The following PREX1 variants were observed in gnomAD, a reference collection of about 807,000 sequenced individuals.
PREX1 encodes phosphatidylinositol 3,4,5-trisphosphate-dependent Rac exchanger 1 protein.
In PREX1, 41 loss-of-function variants were observed where a neutral mutation model predicts 198.3. The observed-to-expected ratio is 0.21, with a 90% CI of 0.16 to 0.27. PREX1 has a LOEUF of 0.27. Ranked by LOEUF, PREX1 falls within the 10% of genes least tolerant of loss-of-function variation. The pLI, the probability that PREX1 is intolerant of heterozygous loss-of-function variation, is 1.00. For synonymous variants in PREX1, 843 were observed against 887.2 expected (o/e 0.95, Z 0.89); for missense variants, 1,620 against 2,200.7 (o/e 0.74, Z 5.28).
At chr20:48,773,985 C>G (rs1175660139) in intron 1 of PREX1, among the ~76,000 whole-genome samples, 1 of 152,130 alleles carries the variant, frequency 6.6e-6, no homozygotes, top group Non-Finnish European at 1.5e-5. Context: ...CAAGACAGAG[C>G]CCACGGGATT....
At chr20:48,798,987 C>A (rs2090374570) in intron 1 of PREX1, among the ~76,000 whole-genome samples, 1 of 152,164 alleles carries the variant, frequency 6.6e-6, no homozygotes, top group African/African-American at 2.4e-5. Context: ...ACCTCCACCT[C>A]CCGAGTTCAA....
intron 1 of PREX1, among the ~76,000 whole-genome samples, chr20:48,780,457 C>G (rs112846843): frequency 7.9e-5 from 12 of 151,798 alleles, no homozygotes; most frequent in Non-Finnish European, 1.3e-4. Flanking sequence ...TCTCTACCAT[C>G]TCTACAAAAT....
At chr20:48,705,009 T>TA (rs2089896350) in intron 6 of PREX1, among the ~76,000 whole-genome samples, 2 of 152,196 alleles carry the variant, frequency 1.3e-5, no homozygotes, top group East Asian at 1.9e-4. Flanking sequence ...TTTTTCCATC[T>TA]AAAAAAATAA....
Position 48,658,123 on chromosome 20 carries a change from C to G in PREX1, c.1974+13G>C, listed in dbSNP as rs1458402502. 8 of 1,611,048 alleles carry G rather than the reference C, an allele frequency of 5.0e-6. No homozygotes were observed. Among genetic ancestry groups the G allele is most frequent in the Non-Finnish European group, 6.8e-6 (8 of 1,178,480 alleles). Reference sequence around the variant, plus strand: ...CTGCACACGGTCCCTGCCAGCTCCCCCGAGGGCCTCACCTCAGCCAGCGAG... The same window carrying G: ...CTGCACACGGTCCCTGCCAGCTCCCGCGAGGGCCTCACCTCAGCCAGCGAG... On this transcript the variant is annotated intron_variant, in intron 17 of 39. Transcript: ENST00000371941.
At chr20:48,657,615 T>C (rs73911613) in intron 17 of PREX1, among the ~76,000 whole-genome samples, 2,756 of 152,300 alleles carry the variant, frequency 0.018, 84 homozygotes, top group African/African-American at 0.06. Flanking sequence ...GCCATGGGTA[T>C]GTCGCTCCTT....
chr20:48,730,445 A>ACG (rs1271664669), intron 4 of PREX1, among the ~76,000 whole-genome samples: 2 of 150,832 alleles, frequency 1.3e-5, no homozygotes, highest in East Asian at 1.9e-4. Context: ...ACACACACAC[A>ACG]CACGCACATC....
chr20:48,732,763 G>GCC (rs2090039845), intron 4 of PREX1, among the ~76,000 whole-genome samples: 1 of 152,172 alleles, frequency 6.6e-6, no homozygotes, highest in East Asian at 1.9e-4. Flanking sequence ...ATCTAGGGGT[G>GCC]ACCATGTGGC....
intron 9 of PREX1, among the ~76,000 whole-genome samples, chr20:48,689,488 C>T (rs2123041337): frequency 6.6e-6 from 1 of 152,266 alleles, no homozygotes; most frequent in South Asian, 2.1e-4. Context: ...AAGTTGGTTC[C>T]ATATTCGTGC....
intron 1 of PREX1, among the ~76,000 whole-genome samples, chr20:48,779,812 C>T (rs2090280155): frequency 6.6e-6 from 1 of 152,078 alleles, no homozygotes; most frequent in Non-Finnish European, 1.5e-5. Flanking sequence ...GGCAGAACTA[C>T]AGGGAGAGGA....
chr20:48,767,637 G>A (rs1342901873), intron 1 of PREX1, among the ~76,000 whole-genome samples: 2 of 152,150 alleles, frequency 1.3e-5, no homozygotes, highest in East Asian at 1.9e-4. Flanking sequence ...CGACGTAAAA[G>A]CAGCCCTCTC....
intron 1 of PREX1, among the ~76,000 whole-genome samples, chr20:48,816,012 A>G (rs1176683370): frequency 6.9e-6 from 1 of 145,140 alleles, no homozygotes; most frequent in Non-Finnish European, 1.5e-5. Flanking sequence ...TCTGTCTCAA[A>G]AAAAAAAGAA....
chr20:48,703,135 G>T (rs1436165271), intron 6 of PREX1, among the ~76,000 whole-genome samples: 2 of 152,242 alleles, frequency 1.3e-5, no homozygotes, highest in African/African-American at 4.8e-5. Flanking sequence ...CAGCTGAGAA[G>T]CCAGGCTGTC....
intron 31 of PREX1, among the ~76,000 whole-genome samples, 179 bp from the exon 32 acceptor site, chr20:48,636,862 A>G (rs1258476996): frequency 6.6e-6 from 1 of 152,230 alleles, no homozygotes; most frequent in East Asian, 1.9e-4. Context: ...CACAAAAATC[A>G]ATTCTACGAA....
intron 1 of PREX1, among the ~76,000 whole-genome samples, chr20:48,754,601 G>A (rs1196028112): frequency 6.7e-6 from 1 of 148,974 alleles, no homozygotes; most frequent in Non-Finnish European, 1.5e-5. Context: ...GGGCCCGACT[G>A]CCCCCAAGGA....
chr20:48,839,722 G>A, the PREX1 span, among the ~76,000 whole-genome samples: 1 of 152,170 alleles, frequency 6.6e-6, no homozygotes, highest in African/African-American at 2.4e-5. Flanking sequence ...GATGCTGTTA[G>A]GTGAGATGTG....
At chr20:48,710,157 T>C (rs1346194587) in intron 5 of PREX1, among the ~76,000 whole-genome samples, 1 of 152,164 alleles carries the variant, frequency 6.6e-6, no homozygotes, top group Non-Finnish European at 1.5e-5. Flanking sequence ...CTGAAAATGC[T>C]GGTGATCAAT....
At chr20:48,718,781 A>C (rs1384142554) in intron 5 of PREX1, among the ~76,000 whole-genome samples, 1 of 152,372 alleles carries the variant, frequency 6.6e-6, no homozygotes, top group East Asian at 1.9e-4. Flanking sequence ...AAAATAACTA[A>C]TATTAAGCAC....
intron 33 of PREX1, among the ~76,000 whole-genome samples, chr20:48,633,206 C>T (rs906473520): frequency 1.3e-5 from 2 of 152,212 alleles, no homozygotes; most frequent in African/African-American, 4.8e-5. Context: ...CTGCTGCTGC[C>T]TATCAATTCC....
intron 7 of PREX1, among the ~76,000 whole-genome samples, chr20:48,694,918 C>A (rs954749267): frequency 6.6e-6 from 1 of 151,948 alleles, no homozygotes; most frequent in African/African-American, 2.4e-5. Context: ...CCACTGCAAT[C>A]AACAAGATGA....
Sources: gnomAD v4.1 joint callset for allele counts (sites outside exome capture counted in the v4.1 genomes callset) on GRCh38, gnomAD v4.1.1 for gene constraint, MANE v1.5 for transcripts, NCBI Gene and HGNC (gene_info 2026-07-23, HGNC 2026-07-21) for gene names.